CLIC5: variants seen among roughly 807,000 people sequenced by gnomAD.
CLIC5 encodes CLIC family member 5.
A neutral mutation model predicts 24.7 loss-of-function variants in CLIC5; 20 were observed. The ratio of observed to expected loss-of-function variants is 0.81; its 90% CI spans 0.57 to 1.18. The LOEUF is 1.18. CLIC5 is among the 50% of genes most tolerant of loss of function. CLIC5 has a pLI of 0.00. For missense variants in CLIC5, 341 were observed against 326.1 expected, an observed-to-expected ratio of 1.05 and a Z score of -0.35; for synonymous variants, 159 against 135.6, an observed-to-expected ratio of 1.17 and a Z score of -1.20.
intron 1 of CLIC5, among the ~76,000 whole-genome samples, chr6:46,029,622 G>A (rs1271890551): frequency 2.0e-5 from 3 of 152,136 alleles, no homozygotes; most frequent in African/African-American, 7.2e-5. Context: ...ATAGTAAAAG[G>A]TGAGGACTGA....
intron 1 of CLIC5, among the ~76,000 whole-genome samples, chr6:46,007,290 T>G (rs147592631): frequency 5.9e-5 from 9 of 152,342 alleles, no homozygotes; most frequent in African/African-American, 2.2e-4. Flanking sequence ...TCTGTACTCT[T>G]CAATTTACAA....
chr6:45,906,594 C>A (rs1209317735), intron 5 of CLIC5, among the ~76,000 whole-genome samples: 5 of 147,236 alleles, frequency 3.4e-5, no homozygotes, highest in Admixed American at 2.7e-4. Context: ...TGGAGTTTCG[C>A]TCTTGTTGCC....
intron 1 of CLIC5, among the ~76,000 whole-genome samples, chr6:46,072,320 A>G (rs1762631037): frequency 6.6e-6 from 1 of 151,916 alleles, no homozygotes; most frequent in Admixed American, 6.6e-5. Context: ...GGATGACTCT[A>G]GAGGCAGAGT....
At chr6:46,034,453 G>C (rs150107756) in intron 1 of CLIC5, among the ~76,000 whole-genome samples, 43 of 152,280 alleles carry the variant, frequency 2.8e-4, no homozygotes, top group Middle Eastern at 6.8e-3. Context: ...AGAATGAAAG[G>C]TAAACTGGTG....
chr6:45,962,744 G>C (rs1764893235), intron 1 of CLIC5, among the ~76,000 whole-genome samples: 1 of 152,182 alleles, frequency 6.6e-6, no homozygotes. Context: ...AGACTTAGCG[G>C]GCTCCTTGGT....
the CLIC5 span, among the ~76,000 whole-genome samples, chr6:46,114,890 G>T: frequency 6.6e-6 from 1 of 152,128 alleles, no homozygotes; most frequent in Non-Finnish European, 1.5e-5. Context: ...GTGATATGGA[G>T]GTCATGGGTG....
intron 1 of CLIC5, among the ~76,000 whole-genome samples, chr6:46,064,210 G>T (rs1762376033): frequency 6.6e-6 from 1 of 151,724 alleles, no homozygotes; most frequent in Admixed American, 6.6e-5. Context: ...TAATTTGAAG[G>T]AAACAAATTA....
chr6:46,073,218 C>A (rs1380015504), intron 1 of CLIC5, among the ~76,000 whole-genome samples: 1 of 152,148 alleles, frequency 6.6e-6, no homozygotes, highest in African/African-American at 2.4e-5. Context: ...TTAAGTGAGT[C>A]CAGCCAGGCT....
chr6:45,936,863 G>C (rs979446936), intron 4 of CLIC5, among the ~76,000 whole-genome samples: 1 of 152,118 alleles, frequency 6.6e-6, no homozygotes, highest in Non-Finnish European at 1.5e-5. Context: ...CTTAATGTGG[G>C]ATCTTGCCAC....
chr6:46,082,719 C>T (rs948271066), upstream of CLIC5, among the ~76,000 whole-genome samples: 1 of 152,194 alleles, frequency 6.6e-6, no homozygotes, highest in Non-Finnish European at 1.5e-5. Context: ...AATGAGACTA[C>T]ACTGACTGTC....
At chr6:46,065,482 C>T (rs922221486) in intron 1 of CLIC5, among the ~76,000 whole-genome samples, 1 of 151,986 alleles carries the variant, frequency 6.6e-6, no homozygotes, top group Non-Finnish European at 1.5e-5. Flanking sequence ...TTATAGCAGC[C>T]TCATTTTTAA....
At chr6:45,950,324 G>A (rs914755818) in intron 2 of CLIC5, among the ~76,000 whole-genome samples, 5 of 152,100 alleles carry the variant, frequency 3.3e-5, no homozygotes, top group African/African-American at 4.8e-5. Context: ...ACTTTGGGAG[G>A]GTGAGGTGGG....
At chr6:46,006,557 A>G (rs1161196560) in intron 1 of CLIC5, among the ~76,000 whole-genome samples, 5 of 151,940 alleles carry the variant, frequency 3.3e-5, no homozygotes, top group South Asian at 4.1e-4. Context: ...CTTCTGAGCC[A>G]TTGTTCACAT....
In CLIC5 at chr6:45,949,391, G is replaced by T; in HGVS notation, c.174-10C>A. ...CAGGTCAGCTGGCTTTCTGTAGAGA[G>T]AGCAAGATTCAGGTGTTGGCTTACA... On this transcript the variant is annotated splice_polypyrimidine_tract_variant and intron_variant, in intron 2 of 5. Transcript: ENST00000339561. 1.2e-6 allele frequency: 2 copies of T among 1,611,080 alleles called. No homozygotes were observed. The highest frequency in any genetic ancestry group is 2.2e-5 in the South Asian group (2 of 90,516).
intron 1 of CLIC5, among the ~76,000 whole-genome samples, chr6:46,069,902 G>A (rs1012310423): frequency 6.6e-6 from 1 of 152,168 alleles, no homozygotes; most frequent in African/African-American, 2.4e-5. Context: ...TCCCTGGGAT[G>A]CAAGGTTGGT....
intron 1 of CLIC5, among the ~76,000 whole-genome samples, chr6:46,062,559 C>T (rs1454893178): frequency 6.6e-6 from 1 of 152,220 alleles, no homozygotes; most frequent in Non-Finnish European, 1.5e-5. Flanking sequence ...GCTTATAAAG[C>T]ATAAAAGTGG....
At chr6:46,082,192 T>G (rs1173458595), upstream of CLIC5, among the ~76,000 whole-genome samples, 2 of 152,314 alleles carry the variant, frequency 1.3e-5, no homozygotes, top group African/African-American at 4.8e-5. Context: ...AAGAATAGTA[T>G]ACAGCATGTG....
chr6:46,005,220 C>T (rs1177145040), intron 1 of CLIC5, among the ~76,000 whole-genome samples: 1 of 152,224 alleles, frequency 6.6e-6, no homozygotes. Context: ...CCATTCACTG[C>T]ACATCCTCCC....
At chr6:46,048,280 G>T in intron 1 of CLIC5, among the ~76,000 whole-genome samples, 1 of 152,166 alleles carries the variant, frequency 6.6e-6, no homozygotes, top group African/African-American at 2.4e-5. Flanking sequence ...TGGGATTACA[G>T]GCATGAGCCA....
Sources: allele counts gnomAD v4.1 joint callset (sites outside exome capture counted in the v4.1 genomes callset), GRCh38; gene constraint gnomAD v4.1.1; transcripts MANE v1.5; gene names NCBI Gene and HGNC (gene_info 2026-07-23, HGNC 2026-07-21).